POGLUT2: variants seen among roughly 807,000 people sequenced by gnomAD.
POGLUT2 encodes the protein ER protein 58.
POGLUT2 carries 47 observed loss-of-function variants against 57.6 expected under a neutral mutation model. The observed-to-expected ratio is 0.82, with a 90% CI of 0.65 to 1.04. The LOEUF is 1.04. POGLUT2 is among the 50% of genes least tolerant of loss of function. The pLI is 0.00. For synonymous variants in POGLUT2, 200 were observed against 218.8 expected (o/e 0.91, Z 0.76); for missense variants, 565 against 614.8 (o/e 0.92, Z 0.86).
Position 102,793,617 on chromosome 13 carries a change from G to C in POGLUT2, c.578C>G (p.Thr193Ser). ...GTGTTGTACCTTGTTATCCTTTAAG[G>C]TGTAGTGACATAGGCTCTGCCTCTG... ...FGQRQSLCHY[T>S]LKDNKVYIKT... The change falls in exon 3 of 10, where the codon ACC becomes AGC. Residue 193 changes from threonine (T) to serine (S), a missense_variant. Thr to Ser is a moderately conservative substitution (Grantham distance 58, BLOSUM62 1). Coordinates refer to ENST00000376004, the MANE Select transcript of POGLUT2 (RefSeq NM_024089.3). The C allele has an allele frequency of 6.2e-7, 1 of 1,613,352 alleles. No homozygotes were observed. Among genetic ancestry groups the C allele is most frequent in the Non-Finnish European group, 8.5e-7 (1 of 1,179,416 alleles).
chr13:102,791,093 G>A lies in POGLUT2; in HGVS notation c.891C>T (p.Pro297=). The A allele has an allele frequency of 3.1e-6, 5 of 1,614,154 alleles. No homozygotes were observed. Among genetic ancestry groups the A allele is most frequent in the Non-Finnish European group, 2.5e-6 (3 of 1,180,020 alleles). ...MMSVQANTGP[P]WESKNSTAVW... is the part of the protein sequence containing the mutation. ...CGGCAGTGGAATTTTTGCTTTCCCA[G>A]GGAGGACCCGTGTTAGCTTGCACGG... Residue 297 remains proline (P), a synonymous_variant, in exon 6 of 10, where the codon CCC becomes CCT. Coordinates refer to ENST00000376004, the MANE Select transcript of POGLUT2 (RefSeq NM_024089.3).
At chr13:102,788,907 C>T (rs1878058922) in intron 7 of POGLUT2, 105 bp downstream of exon 7, 1 of 1,004,048 alleles carries the variant, frequency 1.0e-6, no homozygotes, top group African/African-American at 1.6e-5. Flanking sequence ...AGGCCAAAGT[C>T]TATTACGTGA....
Position 102,786,254 on chromosome 13 carries a change from G to A in POGLUT2, c.1469C>T (p.Pro490Leu). ...TACCTTTTTCCTATGGCAAGTACAA[G>A]GGAAGAGGTCGTCCTCAGTCTGTGG... ...VEPQTEDDLFPCTCHRKKTKD... is the reference protein window; with the variant it reads ...VEPQTEDDLFLCTCHRKKTKD... The change falls in exon 9 of 10, where the codon CCT becomes CTT. Residue 490 changes from proline to leucine, a missense_variant. By Grantham distance (98) the Pro-to-Leu change is moderately conservative. Transcript: ENST00000376004. 6.2e-7 allele frequency: 1 copy of A among 1,612,896 alleles called. No homozygotes were observed. The highest frequency in any genetic ancestry group is 2.2e-5 in the East Asian group (1 of 44,876).
chr13:102,791,134 T>C lies in POGLUT2; in HGVS notation c.850A>G (p.Ser284Gly), dbSNP rs941437345. 6.2e-6 allele frequency: 10 copies of C among 1,613,658 alleles called. No individual in the cohort carries two copies. The highest frequency in any genetic ancestry group is 1.1e-5 in the South Asian group (1 of 91,068). The part of the protein sequence containing the change: ...DSVLETMGRV[S>G]LDMMSVQANT... ...GCTTGCACGGACATCATATCCAGAC[T>C]TACCCTAGAAGACAAAGTGCAACAG... Residue 284 changes from serine to glycine, a missense_variant, in exon 6 of 10, where the codon AGT becomes GGT. Coordinates refer to ENST00000376004, the MANE Select transcript of POGLUT2 (RefSeq NM_024089.3).
At chr13:102,790,026 C>T (rs763175940) in intron 6 of POGLUT2, among the ~76,000 whole-genome samples, 1 of 152,196 alleles carries the variant, frequency 6.6e-6, no homozygotes, top group Non-Finnish European at 1.5e-5. Context: ...GAAAATTCAA[C>T]AGGCAGGAAT....
chr13:102,797,259 G>A (rs1162406774), intron 1 of POGLUT2, among the ~76,000 whole-genome samples: 1 of 152,144 alleles, frequency 6.6e-6, no homozygotes, highest in Non-Finnish European at 1.5e-5. Context: ...AGTATGTTAA[G>A]ACTATTAATC....
At chr13:102,792,096 CTTAGT>C in intron 4 of POGLUT2, 1 of 1,284,996 alleles carries the variant, frequency 7.8e-7, no homozygotes, top group Non-Finnish European at 1.0e-6. Context: ...ACTCTGATGT[CTTAGT>C]TTAAAGGAGG....
chr13:102,788,042 G>C (rs563139299), intron 7 of POGLUT2, 119 bp from the exon 8 acceptor site: 261 of 559,704 alleles, frequency 4.7e-4, no homozygotes, highest in Middle Eastern at 8.4e-4. Flanking sequence ...AATATCTTTG[G>C]GGGTAGTCTC....
At chr13:102,793,255 T>G in intron 4 of POGLUT2, 86 bp downstream of exon 4, 2 of 592,368 alleles carry the variant, frequency 3.4e-6, no homozygotes, top group Non-Finnish European at 5.7e-6. Context: ...AATACCCTGA[T>G]AGTGTATAAT....
intron 4 of POGLUT2, 170 bp downstream of exon 4, chr13:102,793,171 C>G (rs1595310332): frequency 1.8e-6 from 1 of 552,312 alleles, no homozygotes. Context: ...GTTACGGCAG[C>G]CCTAGGAAAC....
chr13:102,789,428 C>T (rs1878084745), intron 6 of POGLUT2, among the ~76,000 whole-genome samples: 1 of 152,166 alleles, frequency 6.6e-6, no homozygotes, highest in Non-Finnish European at 1.5e-5. Flanking sequence ...CTCAATTTTA[C>T]AAAGGATACA....
rs1878142152 is a variant in POGLUT2, at chr13:102,790,955, A to G, written c.1029T>C (p.Asp343=). The change falls in exon 6 of 10, where the codon GAT becomes GAC. Residue 343 remains aspartate, a synonymous_variant. Coordinates refer to ENST00000376004, the MANE Select transcript of POGLUT2 (RefSeq NM_024089.3). ...TCACAATGGGACCATACAGGTTTTC[A>G]TCGTGTTTAAAGAAGAAAAAGTTGG... ...AFTNFFFFKH[D]ENLYGPIVKH... is the part of the protein sequence containing the mutation. 1 of 1,614,014 alleles carries G rather than the reference A, an allele frequency of 6.2e-7. No homozygotes were observed. Among genetic ancestry groups the G allele is most frequent in the Non-Finnish European group, 8.5e-7 (1 of 1,179,838 alleles).
intron 4 of POGLUT2, 103 bp downstream of exon 4, chr13:102,793,238 A>G (rs1878252263): frequency 1.5e-6 from 1 of 673,650 alleles, no homozygotes; most frequent in Non-Finnish European, 2.6e-6. Context: ...ATAAGGCTCC[A>G]GAAGAGAATA....
At chr13:102,793,931 G>A in intron 2 of POGLUT2, 125 bp from the exon 3 acceptor site, 2 of 804,736 alleles carry the variant, frequency 2.5e-6, no homozygotes, top group Non-Finnish European at 4.0e-6. Flanking sequence ...CATTTTCATT[G>A]AAAACACATT....
chr13:102,790,960 G>A lies in POGLUT2; in HGVS notation c.1024C>T (p.His342Tyr), dbSNP rs1566436721. ...AAFTNFFFFK[H>Y]DENLYGPIVK... is the part of the protein sequence containing the mutation. ...ATGGGACCATACAGGTTTTCATCGT[G>A]TTTAAAGAAGAAAAAGTTGGTGAAA... Residue 342 changes from histidine to tyrosine, a missense_variant, in exon 6 of 10, where the codon CAC becomes TAC. His to Tyr is a moderately conservative substitution (Grantham distance 83). Coordinates refer to ENST00000376004, the MANE Select transcript of POGLUT2 (RefSeq NM_024089.3). The A allele has an allele frequency of 1.9e-6, 3 of 1,613,962 alleles. No individual in the cohort carries two copies. Among genetic ancestry groups the A allele is most frequent in the South Asian group, 1.1e-5 (1 of 91,080 alleles).
rs1878516790 is a variant in POGLUT2 at position 102,798,274 on chromosome 13, T to C, written c.182+215A>G. 2.0e-5 allele frequency among the ~76,000 whole-genome samples: 3 copies of C among 152,174 alleles called. 1 individual carries two copies. In the South Asian group the frequency reaches 6.2e-4, roughly 31 times the overall value. On this transcript the variant is annotated intron_variant, in intron 1 of 9. Transcript: ENST00000376004. ...GATAATGTGGGAATCTGAATCAAAA[T>C]TGCTAGGAGATTATTTTATATGTTA...
chr13:102,790,835 T>C, intron 6 of POGLUT2, 66 bp downstream of exon 6: 1 of 1,100,276 alleles, frequency 9.1e-7, no homozygotes, highest in Non-Finnish European at 1.4e-6. Flanking sequence ...TTAATTTCCC[T>C]TCCCAAAGCA....
chr13:102,797,081 T>C, intron 1 of POGLUT2, 72 bp from the exon 2 acceptor site: 1 of 1,032,134 alleles, frequency 9.7e-7, no homozygotes. Flanking sequence ...TGCTCTTCAG[T>C]CTGGAAACTT....
chr13:102,788,828 T>C (rs894901259), intron 7 of POGLUT2, among the ~76,000 whole-genome samples, 184 bp downstream of exon 7: 2 of 152,170 alleles, frequency 1.3e-5, no homozygotes, highest in Non-Finnish European at 2.9e-5. Context: ...TAATGTAAGA[T>C]GCAGTGCCCG....
Sources: allele counts gnomAD v4.1 joint callset (sites outside exome capture counted in the v4.1 genomes callset), GRCh38; gene constraint gnomAD v4.1.1; transcripts MANE v1.5; gene names NCBI Gene and HGNC (gene_info 2026-07-23, HGNC 2026-07-21).